APH1B: variants seen among roughly 807,000 people sequenced by gnomAD.
APH1B encodes the protein gamma-secretase subunit APH-1B.
In APH1B, 27 loss-of-function variants were observed where a neutral mutation model predicts 28.2. The ratio of observed to expected loss-of-function variants is 0.96; its 90% CI spans 0.70 to 1.32. APH1B has a LOEUF of 1.32. Ranked by LOEUF, APH1B falls within the 40% of genes most tolerant of loss-of-function variation. The pLI is 0.00. For missense variants in APH1B, 305 were observed against 313.6 expected (o/e 0.97, Z 0.21); for synonymous variants, 141 against 124.6 (o/e 1.13, Z -0.88).
intron 2 of APH1B, 34 bp from the exon 3 acceptor site, chr15:63,286,524 T>TTA: frequency 6.6e-7 from 1 of 1,526,330 alleles, no homozygotes; most frequent in Non-Finnish European, 8.8e-7. Context: ...TTTTTTTTTT[T>TTA]TTCTTCTTAA....
chr15:63,287,280 C>A, intron 3 of APH1B, 144 bp from the exon 4 acceptor site: 2 of 1,082,702 alleles, frequency 1.8e-6, no homozygotes, highest in Non-Finnish European at 2.6e-6. Context: ...CAAGCACATG[C>A]CTCTCCAGAG....
chr15:63,301,083 G>A (rs777792592), intron 4 of APH1B, among the ~76,000 whole-genome samples: 2 of 152,206 alleles, frequency 1.3e-5, no homozygotes, highest in Non-Finnish European at 2.9e-5. Flanking sequence ...ACGGATTGCT[G>A]GGCTCCCACC....
At position 63,277,670 on chromosome 15, in the gene APH1B, C is replaced by A. The variant is rs1309042658; in HGVS notation, c.47C>A (p.Pro16His). ...GGCTGCGCCTTCATTGCCTTCGGGC[C>A]TGCGCTCGCCCTTTATGTCTTCACC... is the stretch of plus-strand genomic sequence containing the variant. ...FFGCAFIAFGPALALYVFTIA... is the reference protein window; with the variant it reads ...FFGCAFIAFGHALALYVFTIA... The change falls in exon 1 of 6, where the codon CCT becomes CAT. Residue 16 changes from proline to histidine, a missense_variant. Transcript: ENST00000261879. 1 of 1,610,222 alleles carries A rather than the reference C, an allele frequency of 6.2e-7. No individual in the cohort carries two copies. The highest frequency in any genetic ancestry group is 1.7e-5 in the Admixed American group (1 of 59,570).
chr15:63,305,815 T>C lies in APH1B; in HGVS notation c.*34T>C. 1 of 1,591,974 alleles carries C rather than the reference T, an allele frequency of 6.3e-7. No individual in the cohort carries two copies. ...AACCAGCACTTCCCAAACCGCAGAC[T>C]ACATCTTTAGAGGAAGCACAACTGT... is the stretch of plus-strand genomic sequence containing the variant. On this transcript the variant is annotated 3_prime_UTR_variant, in exon 6 of 6. Coordinates refer to ENST00000261879, the MANE Select transcript of APH1B (RefSeq NM_031301.4).
rs1395253004 is a variant in APH1B at position 63,302,869 on chromosome 15, A to ATCTC, written c.606+407_606+410dup. 3.9e-5 allele frequency among the ~76,000 whole-genome samples: 6 copies of ATCTC among 151,930 alleles called. No individual in the cohort carries two copies. In the South Asian group the frequency reaches 1.2e-3, roughly 32 times the overall value. On this transcript the variant is annotated intron_variant, in intron 5 of 5. Transcript: ENST00000261879. Reference sequence around the variant, plus strand: ...GCATATTTTATTTAATATAGTTTTTATCTCTCTCTCTCTGTTTCTAATTAG... The same window carrying ATCTC: ...GCATATTTTATTTAATATAGTTTTTATCTCTCTCTCTCTCTCTGTTTCTAATTAG...
Position 63,277,687 on chromosome 15 carries a change from G to A in APH1B, c.64G>A (p.Val22Ile), listed in dbSNP as rs760251848. The A allele has an allele frequency of 2.5e-6, 4 of 1,611,686 alleles. No individual in the cohort carries two copies. Among genetic ancestry groups the A allele is most frequent in the Non-Finnish European group, 3.4e-6 (4 of 1,179,002 alleles). Residue 22 changes from valine to isoleucine, a missense_variant, in exon 1 of 6, where the codon GTC becomes ATC. Coordinates refer to ENST00000261879, the MANE Select transcript of APH1B (RefSeq NM_031301.4). ...IAFGPALALY[V>I]FTIATEPLRI... ...CTTCGGGCCTGCGCTCGCCCTTTATGTCTTCACCATCGCCACCGAGCCGTT... is the reference window on the plus strand; with the variant it reads ...CTTCGGGCCTGCGCTCGCCCTTTATATCTTCACCATCGCCACCGAGCCGTT...
At chr15:63,284,131 T>A (rs1395657490) in intron 2 of APH1B, among the ~76,000 whole-genome samples, 1 of 152,214 alleles carries the variant, frequency 6.6e-6, no homozygotes, top group Non-Finnish European at 1.5e-5. Context: ...GTCTTTTAAC[T>A]TTGTTGTTGT....
intron 2 of APH1B, 98 bp downstream of exon 2, chr15:63,279,429 C>A: frequency 8.8e-7 from 1 of 1,132,732 alleles, no homozygotes; most frequent in Non-Finnish European, 1.2e-6. Context: ...TCTATGCCCT[C>A]CTACATAGTA....
chr15:63,305,811 A>G lies in APH1B; in HGVS notation c.*30A>G, dbSNP rs752646596. ...AGGGAACCAGCACTTCCCAAACCGC[A>G]GACTACATCTTTAGAGGAAGCACAA... On this transcript the variant is annotated 3_prime_UTR_variant, in exon 6 of 6. Transcript: ENST00000261879. The G allele has an allele frequency of 1.9e-6, 3 of 1,594,860 alleles. No homozygotes were observed. The highest frequency in any genetic ancestry group is 2.6e-6 in the Non-Finnish European group (3 of 1,173,928).
chr15:63,282,811 C>T (rs566443682), intron 2 of APH1B, among the ~76,000 whole-genome samples: 67 of 152,186 alleles, frequency 4.4e-4, no homozygotes, highest in South Asian at 2.9e-3. Context: ...TTTTAAGCAG[C>T]GTGTCTATTT....
rs529706002 is a variant in APH1B, at chr15:63,283,943, A to C, written c.285-2615A>C. On this transcript the variant is annotated intron_variant, in intron 2 of 5. Transcript: ENST00000261879. ...TTCTGTCACCATTTATTAAAAGACC[A>C]TCTCTCTTTCCTCATTGAATCATCT... Among the ~76,000 whole-genome samples, 8 of 152,264 alleles carry C rather than the reference A, an allele frequency of 5.3e-5. No homozygotes were observed. The East Asian group carries it at 1.5e-3, about 29-fold the overall frequency.
rs201245077 is a variant in APH1B, at chr15:63,305,994, T to G, written c.*213T>G. 5.9e-5 allele frequency: 34 copies of G among 571,798 alleles called. No individual in the cohort carries two copies. In the East Asian group the frequency reaches 1.2e-3, roughly 21 times the overall value. The allele number at this position is 571,798 out of a possible 1,614,324, so 35.4% of individuals were successfully genotyped here. A position where few individuals can be genotyped will look rare whatever the true frequency, so the allele number is the denominator to read the frequency against. On this transcript the variant is annotated 3_prime_UTR_variant, in exon 6 of 6. Transcript: ENST00000261879. ...GCTGCACGAGAATCACCTGGGACAGTGTAAAGCCGACTGATTCTGGGCTCC... is the reference window on the plus strand; with the variant it reads ...GCTGCACGAGAATCACCTGGGACAGGGTAAAGCCGACTGATTCTGGGCTCC...
chr15:63,282,805 A>C (rs547742193), intron 2 of APH1B, among the ~76,000 whole-genome samples: 1 of 152,332 alleles, frequency 6.6e-6, no homozygotes, highest in South Asian at 2.1e-4. Flanking sequence ...TACAACTTTT[A>C]AGCAGCGTGT....
At chr15:63,300,438 A>C (rs553782670) in intron 4 of APH1B, among the ~76,000 whole-genome samples, 14 of 152,296 alleles carry the variant, frequency 9.2e-5, no homozygotes, top group African/African-American at 3.4e-4. Flanking sequence ...TGAACACCTT[A>C]TGATTTCTTT....
At chr15:63,298,723 G>A (rs1299377915) in intron 4 of APH1B, among the ~76,000 whole-genome samples, 1 of 152,162 alleles carries the variant, frequency 6.6e-6, no homozygotes, top group Non-Finnish European at 1.5e-5. Context: ...ACAGCCCTAT[G>A]TGGTATTATC....
intron 4 of APH1B, among the ~76,000 whole-genome samples, chr15:63,293,354 T>C (rs1397139838): frequency 6.6e-6 from 1 of 151,676 alleles, no homozygotes; most frequent in Admixed American, 6.6e-5. Context: ...TTAGTAGAGA[T>C]GGGGGTTTCA....
rs80238550 is a variant in APH1B, at chr15:63,305,700, G to A, written c.693G>A (p.Ala231=). The change falls in exon 6 of 6, where the codon GCG becomes GCA. Residue 231 remains alanine, a synonymous_variant. Transcript: ENST00000261879. ...TGGGCACCTGGGCATTCTTAGCTGC[G>A]GGAGGCAGCTGCCGAAGCCTGAAAC... ...VLMGTWAFLA[A]GGSCRSLKLC... is the part of the protein sequence containing the mutation. 2.5e-4 allele frequency: 408 copies of A among 1,614,106 alleles called. 1 individual carries two copies. The African/African-American group carries it at 4.2e-3, about 17-fold the overall frequency.
At chr15:63,303,874 AAC>A (rs113837395) in intron 5 of APH1B, among the ~76,000 whole-genome samples, 4,744 of 145,654 alleles carry the variant, frequency 0.033, 85 homozygotes, top group African/African-American at 0.034. Flanking sequence ...ACACACACAC[AAC>A]ACACACACAC....
Position 63,305,702 on chromosome 15 carries a change from G to T in APH1B, c.695G>T (p.Gly232Val), listed in dbSNP as rs201780905. The T allele has an allele frequency of 1.1e-5, 17 of 1,614,058 alleles. No individual in the cohort carries two copies. The South Asian group carries it at 1.8e-4, about 17-fold the overall frequency. The change falls in exon 6 of 6, where the codon GGA becomes GTA. Residue 232 changes from glycine to valine, a missense_variant. Coordinates refer to ENST00000261879, the MANE Select transcript of APH1B (RefSeq NM_031301.4). The part of the protein sequence containing the change: ...LMGTWAFLAA[G>V]GSCRSLKLCL... ...GGCACCTGGGCATTCTTAGCTGCGG[G>T]AGGCAGCTGCCGAAGCCTGAAACTC...
Sources: allele counts gnomAD v4.1 joint callset (sites outside exome capture counted in the v4.1 genomes callset), GRCh38; gene constraint gnomAD v4.1.1; transcripts MANE v1.5; gene names NCBI Gene and HGNC (gene_info 2026-07-23, HGNC 2026-07-21).